The following GABRB1 variants were observed in gnomAD, a reference collection of about 807,000 sequenced individuals.
GABRB1 encodes gamma-aminobutyric acid type A receptor subunit beta1.
A neutral mutation model predicts 51.6 loss-of-function variants in GABRB1; 17 were observed. The ratio of observed to expected loss-of-function variants is 0.33; its 90% CI spans 0.23 to 0.49. The LOEUF is 0.49. GABRB1 is among the 20% of genes least tolerant of loss of function. The pLI, the probability that GABRB1 is intolerant of heterozygous loss-of-function variation, is 0.99. For synonymous variants in GABRB1, 247 were observed against 218.9 expected, an observed-to-expected ratio of 1.13 and a Z score of -1.14; for missense variants, 410 against 600.6, an observed-to-expected ratio of 0.68 and a Z score of 3.32.
chr4:47,206,173 C>CAT (rs989597895), intron 4 of GABRB1, among the ~76,000 whole-genome samples: 2 of 151,906 alleles, frequency 1.3e-5, no homozygotes, highest in African/African-American at 4.8e-5. Context: ...GGTGGAAAAA[C>CAT]ATAGTTATGA....
chr4:47,398,627 C>T (rs1728265516), intron 5 of GABRB1, among the ~76,000 whole-genome samples: 1 of 152,174 alleles, frequency 6.6e-6, no homozygotes, highest in South Asian at 2.1e-4. Flanking sequence ...CACTGTCGCC[C>T]AGGATGGAGT....
intron 4 of GABRB1, among the ~76,000 whole-genome samples, chr4:47,187,089 C>A (rs1403857082): frequency 6.6e-6 from 1 of 151,828 alleles, no homozygotes; most frequent in Non-Finnish European, 1.5e-5. Context: ...GATTCCAGTG[C>A]TTTTACATTT....
intron 8 of GABRB1, among the ~76,000 whole-genome samples, chr4:47,423,785 C>T (rs114477869): frequency 0.015 from 2,225 of 152,228 alleles, 61 homozygotes; most frequent in African/African-American, 0.051. Context: ...GTTTAATTTA[C>T]TTAACTTCTT....
intron 4 of GABRB1, among the ~76,000 whole-genome samples, chr4:47,165,270 T>C (rs1253600314): frequency 1.3e-5 from 2 of 152,104 alleles, no homozygotes; most frequent in Non-Finnish European, 2.9e-5. Flanking sequence ...GTAATCTTCT[T>C]GGTACACACT....
At chr4:47,052,283 G>A (rs1256410154) in intron 3 of GABRB1, among the ~76,000 whole-genome samples, 1 of 152,172 alleles carries the variant, frequency 6.6e-6, no homozygotes, top group East Asian at 1.9e-4. Context: ...ACATGAGAAA[G>A]ATGTGAGTTG....
chr4:47,003,664 T>C (rs187050729), intron 1 of GABRB1, among the ~76,000 whole-genome samples: 16 of 152,242 alleles, frequency 1.1e-4, no homozygotes, highest in Admixed American at 1.0e-3. Flanking sequence ...GCTACATTCT[T>C]TTAAGTATGG....
chr4:47,026,565 A>C (rs952591245), intron 1 of GABRB1, among the ~76,000 whole-genome samples: 1 of 152,016 alleles, frequency 6.6e-6, no homozygotes, highest in Non-Finnish European at 1.5e-5. Context: ...AACAGGCTTA[A>C]TAGTCCTCAT....
At chr4:47,119,367 T>C (rs770522829) in intron 3 of GABRB1, among the ~76,000 whole-genome samples, 6 of 152,060 alleles carry the variant, frequency 3.9e-5, no homozygotes, top group Non-Finnish European at 7.4e-5. Context: ...CAGTGGAGTT[T>C]TTAAACAAGA....
At chr4:47,008,617 C>G (rs1384742493) in intron 1 of GABRB1, among the ~76,000 whole-genome samples, 1 of 148,956 alleles carries the variant, frequency 6.7e-6, no homozygotes, top group Admixed American at 6.7e-5. Context: ...CTCCCGCCAC[C>G]ACACCCAGCT....
At chr4:47,264,778 C>T (rs999933664) in intron 4 of GABRB1, among the ~76,000 whole-genome samples, 9 of 152,178 alleles carry the variant, frequency 5.9e-5, no homozygotes, top group Admixed American at 2.0e-4. Context: ...TCCATCACCC[C>T]CAAAGTTTCC....
chr4:47,184,520 G>A (rs1719088661), intron 4 of GABRB1, among the ~76,000 whole-genome samples: 1 of 151,882 alleles, frequency 6.6e-6, no homozygotes, highest in South Asian at 2.1e-4. Context: ...TCAAGTGATA[G>A]CACTTCTTTT....
chr4:47,264,624 TTC>T (rs776657612), intron 4 of GABRB1, among the ~76,000 whole-genome samples: 68 of 152,240 alleles, frequency 4.5e-4, no homozygotes, highest in Non-Finnish European at 8.1e-4. Context: ...CCTTGCTTTT[TTC>T]TCTTTTAGAA....
chr4:47,386,863 T>C (rs933398214), intron 5 of GABRB1, among the ~76,000 whole-genome samples: 1 of 152,156 alleles, frequency 6.6e-6, no homozygotes, highest in Non-Finnish European at 1.5e-5. Context: ...AAAATAAGTC[T>C]AACAGACCTT....
At chr4:47,212,854 C>T (rs1040516727) in intron 4 of GABRB1, among the ~76,000 whole-genome samples, 1 of 152,196 alleles carries the variant, frequency 6.6e-6, no homozygotes, top group Non-Finnish European at 1.5e-5. Flanking sequence ...CAATCCCTCC[C>T]TAGTCTGAAC....
intron 4 of GABRB1, among the ~76,000 whole-genome samples, chr4:47,203,710 C>T (rs1719987715): frequency 6.6e-6 from 1 of 151,974 alleles, no homozygotes; most frequent in South Asian, 2.1e-4. Context: ...CTCAATGGTC[C>T]CATGGGCACA....
At chr4:47,016,259 C>T (rs1047617834) in intron 1 of GABRB1, among the ~76,000 whole-genome samples, 1 of 152,092 alleles carries the variant, frequency 6.6e-6, no homozygotes, top group Non-Finnish European at 1.5e-5. Flanking sequence ...GCTGCAAAAG[C>T]CAAAAATTCT....
chr4:47,114,917 G>A (rs2109635902), intron 3 of GABRB1, among the ~76,000 whole-genome samples: 1 of 152,264 alleles, frequency 6.6e-6, no homozygotes, highest in Middle Eastern at 3.4e-3. Context: ...CCAGCTTCAG[G>A]TTTGAGGTCC....
intron 5 of GABRB1, among the ~76,000 whole-genome samples, chr4:47,390,634 A>G (rs936964301): frequency 1.3e-5 from 2 of 152,188 alleles, no homozygotes; most frequent in South Asian, 2.1e-4. Flanking sequence ...CTGTATAGTT[A>G]TTGTTGCTAG....
intron 1 of GABRB1, among the ~76,000 whole-genome samples, chr4:46,998,241 T>C (rs1488631592): frequency 6.6e-6 from 1 of 152,154 alleles, no homozygotes; most frequent in Non-Finnish European, 1.5e-5. Context: ...ACACATGAAA[T>C]TTGGAAAGTC....
Sources: allele counts gnomAD v4.1 joint callset (sites outside exome capture counted in the v4.1 genomes callset), GRCh38; gene constraint gnomAD v4.1.1; transcripts MANE v1.5; gene names NCBI Gene and HGNC (gene_info 2026-07-23, HGNC 2026-07-21).